The following EPC1 variants were observed in gnomAD, a reference collection of about 807,000 sequenced individuals.
The protein encoded by EPC1 is enhancer of polycomb 1, also known as enhancer of polycomb homolog 1.
EPC1 carries 12 observed loss-of-function variants against 98.4 expected under a neutral mutation model. That is an observed-to-expected ratio of 0.12 (90% CI 0.08 to 0.20). The LOEUF (loss-of-function observed/expected upper bound fraction) is 0.20, where lower values mean the gene tolerates loss of function less well. EPC1 is among the 10% of genes least tolerant of loss of function. The pLI is 1.00. For missense variants in EPC1, 729 were observed against 990.5 expected (o/e 0.74, Z 3.54); for synonymous variants, 357 against 363.9 (o/e 0.98, Z 0.21).
chr10:32,346,616 G>T, intron 1 of EPC1, 147 bp downstream of exon 1: 1 of 790,682 alleles, frequency 1.3e-6, no homozygotes, highest in Non-Finnish European at 2.0e-6. Context: ...GGCTGGGGGA[G>T]GCGGGGTATA....
At chr10:32,357,311 A>G (rs1352459041) in intron 1 of EPC1, among the ~76,000 whole-genome samples, 1 of 152,274 alleles carries the variant, frequency 6.6e-6, no homozygotes, top group Non-Finnish European at 1.5e-5. Context: ...TTTCCCAAAC[A>G]CGAGACGCAT....
chr10:32,344,349 T>C (rs1838602970), intron 1 of EPC1, among the ~76,000 whole-genome samples: 1 of 152,122 alleles, frequency 6.6e-6, no homozygotes, highest in South Asian at 2.1e-4. Context: ...GCTTCTCTCC[T>C]CATACATAGC....
At chr10:32,335,063 G>A (rs114835313) in intron 1 of EPC1, among the ~76,000 whole-genome samples, 13 of 152,240 alleles carry the variant, frequency 8.5e-5, no homozygotes, top group African/African-American at 2.4e-4. Flanking sequence ...GAGTTCAAGC[G>A]GTCATCACTT....
intron 1 of EPC1, among the ~76,000 whole-genome samples, chr10:32,343,698 G>GC (rs1185580387): frequency 6.6e-6 from 1 of 150,778 alleles, no homozygotes; most frequent in Non-Finnish European, 1.5e-5. Flanking sequence ...TTATTTTGGG[G>GC]GGGGGGTGTA....
chr10:32,292,729 G>A, intron 4 of EPC1, 85 bp from the exon 5 acceptor site: 1 of 1,321,236 alleles, frequency 7.6e-7, no homozygotes, highest in Non-Finnish European at 1.0e-6. Flanking sequence ...TTATATATTT[G>A]AAGGGTTAAA....
intron 1 of EPC1, among the ~76,000 whole-genome samples, chr10:32,369,460 A>C (rs1216564645): frequency 1.3e-5 from 2 of 152,230 alleles, no homozygotes; most frequent in Non-Finnish European, 1.5e-5. Context: ...TCAGTGTCTC[A>C]AACAAGGATC....
At chr10:32,289,475 G>A (rs1836878489) in intron 6 of EPC1, among the ~76,000 whole-genome samples, 1 of 151,452 alleles carries the variant, frequency 6.6e-6, no homozygotes, top group Non-Finnish European at 1.5e-5. Context: ...CTGTGTGGCA[G>A]GTTGTACATT....
intron 1 of EPC1, among the ~76,000 whole-genome samples, chr10:32,371,670 G>A (rs1333148143): frequency 2.0e-5 from 3 of 152,090 alleles, no homozygotes; most frequent in South Asian, 2.1e-4. Context: ...AGGCCGAGGC[G>A]GGTGGATCAC....
chr10:32,347,113 C>T lies in EPC1; in HGVS notation c.-198G>A, dbSNP rs1375126288. ...GCTCCGCTCCTCTCTCGCTCGCTCT[C>T]TTCAATACGCCATGGCCAACATGGC... On this transcript the variant is annotated 5_prime_UTR_variant, in exon 1 of 14. Coordinates refer to ENST00000319778, the MANE Select transcript of EPC1 (RefSeq NM_001272004.3). The T allele has an allele frequency of 7.0e-7, 1 of 1,435,926 alleles. No homozygotes were observed. Among genetic ancestry groups the T allele is most frequent in the Non-Finnish European group, 9.1e-7 (1 of 1,100,258 alleles). 88.9% of individuals were successfully genotyped at this position (1,435,926 alleles called of 1,614,324 possible).
At chr10:32,296,990 T>C (rs1400582335) in intron 2 of EPC1, among the ~76,000 whole-genome samples, 1 of 151,848 alleles carries the variant, frequency 6.6e-6, no homozygotes, top group Non-Finnish European at 1.5e-5. Context: ...AAAGCTAACA[T>C]GTAAAAACCC....
intron 1 of EPC1, among the ~76,000 whole-genome samples, chr10:32,355,287 T>G (rs1839238711): frequency 6.6e-6 from 1 of 152,230 alleles, no homozygotes; most frequent in Admixed American, 6.5e-5. Flanking sequence ...AACAGGAAAC[T>G]GTTGAGAAAC....
intron 13 of EPC1, among the ~76,000 whole-genome samples, chr10:32,270,221 C>T (rs1184215865): frequency 1.3e-5 from 2 of 152,178 alleles, no homozygotes; most frequent in Non-Finnish European, 2.9e-5. Context: ...TACTGAATTA[C>T]AGCCATCATC....
At chr10:32,285,462 C>G (rs956273698) in intron 9 of EPC1, 1 of 168,356 alleles carries the variant, frequency 5.9e-6, no homozygotes, top group African/African-American at 2.4e-5. Context: ...AGGATATATT[C>G]TTATGTTATT....
chr10:32,305,169 A>C (rs187588570), intron 2 of EPC1, among the ~76,000 whole-genome samples: 2 of 152,354 alleles, frequency 1.3e-5, no homozygotes, highest in African/African-American at 4.8e-5. Flanking sequence ...CAGAGCACTA[A>C]ATTTTAAAAA....
chr10:32,346,083 G>T (rs1053634466), intron 1 of EPC1, among the ~76,000 whole-genome samples: 3 of 152,216 alleles, frequency 2.0e-5, no homozygotes, highest in Non-Finnish European at 4.4e-5. Flanking sequence ...AGAGGACACT[G>T]AAAGTAAGTC....
chr10:32,322,765 C>T (rs1592595948), intron 1 of EPC1, among the ~76,000 whole-genome samples: 1 of 151,730 alleles, frequency 6.6e-6, no homozygotes, highest in African/African-American at 2.4e-5. Flanking sequence ...GCTAAAAAAA[C>T]AAACCAAAAC....
rs927004112 is a variant in EPC1, at chr10:32,268,948, C to T, written c.*115G>A. On this transcript the variant is annotated 3_prime_UTR_variant, in exon 14 of 14. Coordinates refer to ENST00000319778, the MANE Select transcript of EPC1 (RefSeq NM_001272004.3). ...TGAGAGATGAGCATTGCTGTCAAGTCCCCACAGCTGCCACAGAAACGCATG... is the reference window on the plus strand; with the variant it reads ...TGAGAGATGAGCATTGCTGTCAAGTTCCCACAGCTGCCACAGAAACGCATG... The T allele has an allele frequency of 2.2e-5, 18 of 831,246 alleles. No individual in the cohort carries two copies. The highest frequency in any genetic ancestry group is 3.5e-5 in the Non-Finnish European group (18 of 511,486). The allele number at this position is 831,246 out of a possible 1,614,324, so 51.5% of individuals were successfully genotyped here.
chr10:32,345,062 G>A (rs942234154), intron 1 of EPC1: 9 of 816,530 alleles, frequency 1.1e-5, no homozygotes, highest in Non-Finnish European at 1.2e-5. Flanking sequence ...ATACTTGAAA[G>A]TATTATCTGT....
chr10:32,350,814 G>A (rs1366549628), upstream of EPC1, among the ~76,000 whole-genome samples: 3 of 152,172 alleles, frequency 2.0e-5, no homozygotes, highest in Non-Finnish European at 4.4e-5. Context: ...TAATACATTT[G>A]AAATACAGCT....
Sources: allele counts gnomAD v4.1 joint callset (sites outside exome capture counted in the v4.1 genomes callset), GRCh38; gene constraint gnomAD v4.1.1; transcripts MANE v1.5; gene names NCBI Gene and HGNC (gene_info 2026-07-23, HGNC 2026-07-21).